Variants in EGR4 observed in about 807,000 individuals in gnomAD.
EGR4 encodes early growth response 4.
In EGR4, 22 loss-of-function variants were observed where a neutral mutation model predicts 25.4. That is an observed-to-expected ratio of 0.87 (90% CI 0.62 to 1.24). The LOEUF is 1.24. Ranked by LOEUF, EGR4 falls within the 50% of genes most tolerant of loss-of-function variation. EGR4 has a pLI of 0.00. For synonymous variants in EGR4, 375 were observed against 320.1 expected (o/e 1.17, Z -1.83); for missense variants, 742 against 702.9 (o/e 1.06, Z -0.63).
At position 73,293,436 on chromosome 2, in the gene EGR4, C is replaced by T. The variant is rs567576832; in HGVS notation, c.-119G>A. 662 of 1,520,322 alleles carry T rather than the reference C, an allele frequency of 4.4e-4. 17 individuals are homozygous for T. In the South Asian group the frequency reaches 7.7e-3, roughly 18 times the overall value. 94.2% of individuals were successfully genotyped at this position (1,520,322 alleles called of 1,614,324 possible). A position where few individuals can be genotyped will look rare whatever the true frequency, so the allele number is the denominator to read the frequency against. On this transcript the variant is annotated 5_prime_UTR_variant, in exon 1 of 2. Transcript: ENST00000436467. ...GCGCACAGACCTAGGCGCCCGGGCT[C>T]CTGGCTTCGGGCACTCACCTCTGGG...
At position 73,291,701 on chromosome 2, in the gene EGR4, C is replaced by G. The variant is rs1689105010; in HGVS notation, c.1217G>C (p.Gly406Ala). ...GATGCGGCACTGGAAGGGTTTGTGG[C>G]CCGTGTGGATGCGCAGGTGGCGATT... Reference protein sequence around the residue: ...ELNRHLRIHTGHKPFQCRICL... With the variant: ...ELNRHLRIHTAHKPFQCRICL... The change falls in exon 2 of 2, where the codon GGC becomes GCC. Residue 406 changes from glycine (G) to alanine (A), a missense_variant. Transcript: ENST00000436467. 1 of 1,607,700 alleles carries G rather than the reference C, an allele frequency of 6.2e-7. No homozygotes were observed. Among genetic ancestry groups the G allele is most frequent in the Admixed American group, 1.7e-5 (1 of 60,008 alleles).
In EGR4 at chr2:73,292,071, G is replaced by C; in HGVS notation, c.847C>G (p.Leu283Val). ...PGDLGEGAEGLPGLLTPPSGE... is the reference protein window; with the variant it reads ...PGDLGEGAEGVPGLLTPPSGE... ...CTAGGAGGGGTCAGGAGCCCAGGGA[G>C]GCCCTCAGCCCCCTCCCCTAAGTCA... Residue 283 changes from leucine to valine, a missense_variant, in exon 2 of 2, where the codon CTC (leucine) becomes GTC (valine). Coordinates refer to ENST00000436467, the MANE Select transcript of EGR4 (RefSeq NM_001965.4). The C allele has an allele frequency of 6.2e-7, 1 of 1,610,968 alleles. No individual in the cohort carries two copies. The highest frequency in any genetic ancestry group is 8.5e-7 in the Non-Finnish European group (1 of 1,178,762).
At chr2:73,292,843 C>A in intron 1 of EGR4, 62 bp from the exon 2 acceptor site, 1 of 1,351,710 alleles carries the variant, frequency 7.4e-7, no homozygotes. Context: ...TCCACAGCCC[C>A]TACCTACAAA....
Position 73,293,412 on chromosome 2 carries a change from C to T in EGR4, c.-95G>A. On this transcript the variant is annotated 5_prime_UTR_variant, in exon 1 of 2. Transcript: ENST00000436467. ...GGCTGGCGGTAGGGGTTCCCCGCAGCGCACAGACCTAGGCGCCCGGGCTCC... is the reference window on the plus strand; with the variant it reads ...GGCTGGCGGTAGGGGTTCCCCGCAGTGCACAGACCTAGGCGCCCGGGCTCC... 2 of 1,514,698 alleles carry T rather than the reference C, an allele frequency of 1.3e-6. No homozygotes were observed. Among genetic ancestry groups the T allele is most frequent in the South Asian group, 2.5e-5 (2 of 80,008 alleles). 93.8% of individuals were successfully genotyped at this position (1,514,698 alleles called of 1,614,324 possible).
chr2:73,292,423 C>G lies in EGR4; in HGVS notation c.495G>C (p.Ala165=), dbSNP rs1429053195. The G allele has an allele frequency of 1.3e-6, 2 of 1,497,468 alleles. No homozygotes were observed. The highest frequency in any genetic ancestry group is 1.8e-6 in the Non-Finnish European group (2 of 1,124,614). The allele number at this position is 1,497,468 out of a possible 1,614,324, so 92.8% of individuals were successfully genotyped here. The change falls in exon 2 of 2, where the codon GCG becomes GCC. Residue 165 remains alanine (A), a synonymous_variant. Transcript: ENST00000436467. Reference sequence around the variant, plus strand: ...CATACAGGCACTGCGAGGGGGCACCCGCGCAAGGCGAGGCCTCCCAGAACG... The same window carrying G: ...CATACAGGCACTGCGAGGGGGCACCGGCGCAAGGCGAGGCCTCCCAGAACG... ...PEAFWEASPC[A]GAPSQCLYEP...
rs757459052 is a variant in EGR4 at position 73,292,106 on chromosome 2, A to G, written c.812T>C (p.Leu271Pro). The G allele has an allele frequency of 3.7e-6, 6 of 1,605,664 alleles. No individual in the cohort carries two copies. In the South Asian group the frequency reaches 6.7e-5, roughly 18 times the overall value. ...CCCCTCCCCTAAGTCACCCGGGGCC[A>G]GCGGGAAAGCGTCATAGGCCCCGCT... ...YPSGAYDAFP[L>P]APGDLGEGAE... The change falls in exon 2 of 2, where the codon CTG becomes CCG. Residue 271 changes from leucine to proline, a missense_variant. By Grantham distance (98) the Leu-to-Pro change is moderately conservative (BLOSUM62 -3). Transcript: ENST00000436467.
At position 73,292,502 on chromosome 2, in the gene EGR4, G is replaced by A. The variant is rs567166057; in HGVS notation, c.416C>T (p.Pro139Leu). The change falls in exon 2 of 2, where the codon CCG becomes CTG. Residue 139 changes from proline to leucine, a missense_variant. Transcript: ENST00000436467. ...PFPAGSDALL[P>L]GPPDLYSPDL... ...CGGGGAGTAAAGGTCCGGCGGACCC[G>A]GCAGCAAGGCATCGGACCCCGCAGG... 2 of 1,516,812 alleles carry A rather than the reference G, an allele frequency of 1.3e-6. No individual in the cohort carries two copies. Among genetic ancestry groups the A allele is most frequent in the Admixed American group, 2.3e-5 (1 of 43,310 alleles). The allele number at this position is 1,516,812 out of a possible 1,614,324, so 94.0% of individuals were successfully genotyped here. A position where few individuals can be genotyped will look rare whatever the true frequency, so the allele number is the denominator to read the frequency against.
In EGR4 at chr2:73,293,437, C is replaced by T. The variant is rs1043416897; in HGVS notation, c.-120G>A. The T allele has an allele frequency of 1.3e-6, 2 of 1,520,470 alleles. No individual in the cohort carries two copies. The highest frequency in any genetic ancestry group is 1.8e-6 in the Non-Finnish European group (2 of 1,134,964). The allele number at this position is 1,520,470 out of a possible 1,614,324, so 94.2% of individuals were successfully genotyped here. On this transcript the variant is annotated 5_prime_UTR_variant, in exon 1 of 2. Coordinates refer to ENST00000436467, the MANE Select transcript of EGR4 (RefSeq NM_001965.4). ...CGCACAGACCTAGGCGCCCGGGCTC[C>T]TGGCTTCGGGCACTCACCTCTGGGA...
In EGR4 at chr2:73,291,904, C is replaced by T; in HGVS notation, c.1014G>A (p.Val338=). ...LVADIPGSSG[V]AAPPVPPPPP... ...GCGGCGGCGGCACGGGTGGTGCAGCCACGCCACTGCTTCCAGGGATGTCCG... is the reference window on the plus strand; with the variant it reads ...GCGGCGGCGGCACGGGTGGTGCAGCTACGCCACTGCTTCCAGGGATGTCCG... Residue 338 remains valine (V), a synonymous_variant, in exon 2 of 2, where the codon GTG becomes GTA. Coordinates refer to ENST00000436467, the MANE Select transcript of EGR4 (RefSeq NM_001965.4). 1 of 1,574,554 alleles carries T rather than the reference C, an allele frequency of 6.4e-7. No homozygotes were observed. Among genetic ancestry groups the T allele is most frequent in the Non-Finnish European group, 8.6e-7 (1 of 1,161,944 alleles).
Position 73,292,780 on chromosome 2 carries a change from T to C in EGR4, c.138A>G (p.Ala46=). 1.4e-6 allele frequency: 2 copies of C among 1,443,230 alleles called. No homozygotes were observed. The highest frequency in any genetic ancestry group is 9.1e-7 in the Non-Finnish European group (1 of 1,095,468). The allele number at this position is 1,443,230 out of a possible 1,614,324, so 89.4% of individuals were successfully genotyped here. A position where few individuals can be genotyped will look rare whatever the true frequency, so the allele number is the denominator to read the frequency against. The change falls in exon 2 of 2, where the codon GCA becomes GCG. Residue 46 remains alanine, a splice_region_variant and synonymous_variant. Coordinates refer to ENST00000436467, the MANE Select transcript of EGR4 (RefSeq NM_001965.4). ...DAPAATGYPG[A]GDFLSWALNS... is the part of the protein sequence containing the mutation. Reference sequence around the variant, plus strand: ...TCAAAGCCCAGCTCAAGAAGTCGCCTGCTGAGGAGGGAGCAGGAATCAGCT... The same window carrying C: ...TCAAAGCCCAGCTCAAGAAGTCGCCCGCTGAGGAGGGAGCAGGAATCAGCT...
At position 73,293,466 on chromosome 2, in the gene EGR4, G is replaced by C. The variant is rs1486953246; in HGVS notation, c.-149C>G. 6.6e-7 allele frequency: 1 copy of C among 1,513,418 alleles called. No homozygotes were observed. Among genetic ancestry groups the C allele is most frequent in the East Asian group, 2.7e-5 (1 of 36,564 alleles). The allele number at this position is 1,513,418 out of a possible 1,614,324, so 93.7% of individuals were successfully genotyped here. ...CTTCGGGCACTCACCTCTGGGAAAG[G>C]AGTCGGGGAGCCGCGGCGCCCTCGC... On this transcript the variant is annotated 5_prime_UTR_variant, in exon 1 of 2. Transcript: ENST00000436467.
chr2:73,291,705 T>C lies in EGR4; in HGVS notation c.1213A>G (p.Thr405Ala). 2 of 1,607,164 alleles carry C rather than the reference T, an allele frequency of 1.2e-6. No individual in the cohort carries two copies. Among genetic ancestry groups the C allele is most frequent in the Non-Finnish European group, 8.5e-7 (1 of 1,179,836 alleles). ...CGGCACTGGAAGGGTTTGTGGCCCG[T>C]GTGGATGCGCAGGTGGCGATTGAGC... Reference protein sequence around the residue: ...DELNRHLRIHTGHKPFQCRIC... With the variant: ...DELNRHLRIHAGHKPFQCRIC... The change falls in exon 2 of 2, where the codon ACG (threonine) becomes GCG (alanine). Residue 405 changes from threonine to alanine, a missense_variant. Thr to Ala is a moderately conservative substitution (Grantham distance 58). Coordinates refer to ENST00000436467, the MANE Select transcript of EGR4 (RefSeq NM_001965.4).
Position 73,291,500 on chromosome 2 carries a change from C to G in EGR4, c.1418G>C (p.Gly473Ala), listed in dbSNP as rs148409394. The change falls in exon 2 of 2, where the codon GGC becomes GCC. Residue 473 changes from glycine (G) to alanine (A), a missense_variant. Physicochemically the swap from Gly to Ala is moderately conservative, Grantham distance 60. Coordinates refer to ENST00000436467, the MANE Select transcript of EGR4 (RefSeq NM_001965.4). Reference protein sequence around the residue: ...QKARAEERLKGLGFYSLGLSF... With the variant: ...QKARAEERLKALGFYSLGLSF... ...GAGGCCCAGCGAGTAAAAGCCGAGG[C>G]CCTTGAGCCGCTCCTCGGCGCGCGC... 1.0e-3 allele frequency: 1,644 copies of G among 1,612,106 alleles called. 1 individual carries two copies. Among genetic ancestry groups the G allele is most frequent in the Non-Finnish European group, 1.3e-3 (1,500 of 1,178,982 alleles).
chr2:73,292,675 G>T lies in EGR4; in HGVS notation c.243C>A (p.Ser81Arg). Residue 81 changes from serine to arginine, a missense_variant, in exon 2 of 2, where the codon AGC (serine) becomes AGA (arginine). Ser to Arg is a moderately radical substitution (Grantham distance 110). Transcript: ENST00000436467. The part of the protein sequence containing the change: ...GPAPTPPPGL[S>R]YSGSFFIQAV... ...CCTGAATGAAGAAGCTACCGCTGTAGCTGAGGCCGGGAGGGGGTGTGGGCG... is the reference window on the plus strand; with the variant it reads ...CCTGAATGAAGAAGCTACCGCTGTATCTGAGGCCGGGAGGGGGTGTGGGCG... 1 of 1,541,164 alleles carries T rather than the reference G, an allele frequency of 6.5e-7. No individual in the cohort carries two copies. Among genetic ancestry groups the T allele is most frequent in the Non-Finnish European group, 8.7e-7 (1 of 1,144,110 alleles).
Position 73,291,509 on chromosome 2 carries a change from C to T in EGR4, c.1409G>A (p.Arg470Gln), listed in dbSNP as rs774521389. 13 of 1,612,372 alleles carry T rather than the reference C, an allele frequency of 8.1e-6. No individual in the cohort carries two copies. The highest frequency in any genetic ancestry group is 1.3e-5 in the African/African-American group (1 of 74,906). ...HLKQKARAEE[R>Q]LKGLGFYSLG... The stretch of plus-strand genomic sequence containing the variant: ...CGAGTAAAAGCCGAGGCCCTTGAGC[C>T]GCTCCTCGGCGCGCGCCTTCTGCTT... The change falls in exon 2 of 2, where the codon CGG (arginine) becomes CAG (glutamine). Residue 470 changes from arginine (R) to glutamine (Q), a missense_variant. Transcript: ENST00000436467.
At position 73,293,369 on chromosome 2, in the gene EGR4, G is replaced by T. The variant is rs770535679; in HGVS notation, c.-52C>A. ...GGGGCCTCGCCCGCTGGGCTTGGGG[G>T]CGCGCGGGTGGCGGGGAGGCTGGCG... On this transcript the variant is annotated 5_prime_UTR_variant, in exon 1 of 2. Transcript: ENST00000436467. 64 of 1,505,628 alleles carry T rather than the reference G, an allele frequency of 4.3e-5. No homozygotes were observed. In the Middle Eastern group the frequency reaches 5.4e-4, roughly 13 times the overall value. The allele number at this position is 1,505,628 out of a possible 1,614,324, so 93.3% of individuals were successfully genotyped here.
In EGR4 at chr2:73,291,764, T is replaced by G; in HGVS notation, c.1154A>C (p.Glu385Ala). 1.2e-6 allele frequency: 2 copies of G among 1,601,358 alleles called. No homozygotes were observed. The highest frequency in any genetic ancestry group is 4.5e-5 in the East Asian group (2 of 44,798). ...GCGCGCAAAGCTCCGCACACAACTC[T>G]CCACCGGGCAAGCGAAGGCCTTGGC... ...PHAKAFACPV[E>A]SCVRSFARSD... is the part of the protein sequence containing the mutation. The change falls in exon 2 of 2, where the codon GAG becomes GCG. Residue 385 changes from glutamate to alanine, a missense_variant. Coordinates refer to ENST00000436467, the MANE Select transcript of EGR4 (RefSeq NM_001965.4).
chr2:73,293,503 G>T lies in EGR4; in HGVS notation c.-186C>A. The T allele has an allele frequency of 9.1e-7, 1 of 1,093,562 alleles. No individual in the cohort carries two copies. The highest frequency in any genetic ancestry group is 1.2e-6 in the Non-Finnish European group (1 of 809,250). 67.7% of individuals were successfully genotyped at this position (1,093,562 alleles called of 1,614,324 possible). ...CGCGGCGCCCTCGCTCGCCCGCACCGGCCTCGGGCGGCGGCTCCTCGCCTC... is the reference window on the plus strand; with the variant it reads ...CGCGGCGCCCTCGCTCGCCCGCACCTGCCTCGGGCGGCGGCTCCTCGCCTC... On this transcript the variant is annotated 5_prime_UTR_variant, in exon 1 of 2. Transcript: ENST00000436467.
Position 73,293,182 on chromosome 2 carries a change from C to T in EGR4, c.136G>A (p.Ala46Thr). 1 of 1,525,118 alleles carries T rather than the reference C, an allele frequency of 6.6e-7. No homozygotes were observed. The allele number at this position is 1,525,118 out of a possible 1,614,324, so 94.5% of individuals were successfully genotyped here. A position where few individuals can be genotyped will look rare whatever the true frequency, so the allele number is the denominator to read the frequency against. The change falls in exon 1 of 2, where the codon GCA (alanine) becomes ACA (threonine). Residue 46 changes from alanine (A) to threonine (T), a missense_variant and splice_region_variant. Ala to Thr is a moderately conservative substitution (Grantham distance 58, BLOSUM62 0). Transcript: ENST00000436467. ...GAGCACCCCTGCTCGCCCTCCTTAC[C>T]TCCAGGGTAGCCGGTGGCCGCGGGA... is the stretch of plus-strand genomic sequence containing the variant. ...DAPAATGYPGAGDFLSWALNS... is the reference protein window; with the variant it reads ...DAPAATGYPGTGDFLSWALNS...
Sources: gnomAD v4.1 joint callset for allele counts on GRCh38, gnomAD v4.1.1 for gene constraint, MANE v1.5 for transcripts, NCBI Gene and HGNC (gene_info 2026-07-23, HGNC 2026-07-21) for gene names.